Variants in CACNA1E observed in about 807,000 individuals in gnomAD.
CACNA1E encodes calcium voltage-gated channel subunit alpha1 E, also known as voltage-dependent R-type calcium channel subunit alpha-1E.
A neutral mutation model predicts 259.2 loss-of-function variants in CACNA1E; 40 were observed. The observed-to-expected ratio is 0.15, with a 90% CI of 0.12 to 0.20. The LOEUF (loss-of-function observed/expected upper bound fraction) is 0.20. Among genes scored for constraint, CACNA1E ranks in the 10% least tolerant of loss-of-function variants. The pLI is 1.00. For missense variants in CACNA1E, 1,874 were observed against 3,040.1 expected, an observed-to-expected ratio of 0.62 and a Z score of 9.02; for synonymous variants, 1,104 against 1,138.5, an observed-to-expected ratio of 0.97 and a Z score of 0.61.
chr1:181,789,754 T>C (rs1661135195), intron 43 of CACNA1E, among the ~76,000 whole-genome samples: 1 of 152,238 alleles, frequency 6.6e-6, no homozygotes, highest in African/African-American at 2.4e-5. Context: ...ATAACAAGCC[T>C]ACTGTGCCAG....
chr1:181,660,853 C>T (rs896216815), intron 7 of CACNA1E, among the ~76,000 whole-genome samples: 1 of 152,138 alleles, frequency 6.6e-6, no homozygotes, highest in Admixed American at 6.5e-5. Flanking sequence ...CTGGAATCAA[C>T]CAGTAGAAAG....
At chr1:181,704,868 C>T (rs972267182) in intron 7 of CACNA1E, among the ~76,000 whole-genome samples, 1 of 152,096 alleles carries the variant, frequency 6.6e-6, no homozygotes, top group Admixed American at 6.5e-5. Context: ...GGCTTTCTTA[C>T]CCCAGCCGAC....
intron 16 of CACNA1E, among the ~76,000 whole-genome samples, 189 bp downstream of exon 16, chr1:181,722,064 C>T (rs1168132182): frequency 1.3e-5 from 2 of 152,190 alleles, no homozygotes; most frequent in South Asian, 2.1e-4. Flanking sequence ...AGAATACAAA[C>T]GTAAACAAGA....
chr1:181,713,782 C>T (rs1405604642), intron 8 of CACNA1E, among the ~76,000 whole-genome samples: 1 of 152,116 alleles, frequency 6.6e-6, no homozygotes, highest in Non-Finnish European at 1.5e-5. Flanking sequence ...ATGCAGGATC[C>T]CACCAGACTT....
intron 2 of CACNA1E, among the ~76,000 whole-genome samples, chr1:181,457,683 G>A (rs1343915203): frequency 1.3e-5 from 2 of 152,218 alleles, no homozygotes; most frequent in African/African-American, 4.8e-5. Flanking sequence ...TTCCCTCTGA[G>A]CCCACTGCCT....
intron 22 of CACNA1E, among the ~76,000 whole-genome samples, chr1:181,736,819 C>T (rs1301055502): frequency 6.6e-6 from 1 of 152,238 alleles, no homozygotes; most frequent in East Asian, 1.9e-4. Context: ...ACCAGATCAC[C>T]TGTTGGAGTT....
At chr1:181,351,348 T>C (rs185143868) in intron 1 of CACNA1E, among the ~76,000 whole-genome samples, 1 of 152,196 alleles carries the variant, frequency 6.6e-6, no homozygotes, top group African/African-American at 2.4e-5. Flanking sequence ...TCACGGAATA[T>C]GGTGGGGAGA....
intron 7 of CACNA1E, among the ~76,000 whole-genome samples, chr1:181,701,623 A>G (rs905506399): frequency 6.6e-6 from 1 of 152,134 alleles, no homozygotes; most frequent in Non-Finnish European, 1.5e-5. Flanking sequence ...TCTGCTGTGT[A>G]ACTCTTTGTC....
rs140615619 is a variant in CACNA1E, at chr1:181,371,841, G to A, written c.-14-41292G>A. ...ATCCCAGCACCACTTATTGAATAGG[G>A]AGTCCTTCCCCATTGCTTGTTATTG... is the stretch of plus-strand genomic sequence containing the variant. On this transcript the variant is annotated intron_variant, in intron 1 of 11. Transcript: ENST00000524607. 2.7e-3 allele frequency among the ~76,000 whole-genome samples: 404 copies of A among 152,286 alleles called. 3 individuals carry two copies. Among genetic ancestry groups the A allele is most frequent in the African/African-American group, 9.2e-3 (384 of 41,558 alleles).
At chr1:181,322,382 A>G (rs1354789709) in intron 1 of CACNA1E, among the ~76,000 whole-genome samples, 4 of 152,168 alleles carry the variant, frequency 2.6e-5, no homozygotes, top group African/African-American at 9.7e-5. Context: ...AGAGCCTGGA[A>G]CTAGGCCATT....
intron 6 of CACNA1E, among the ~76,000 whole-genome samples, chr1:181,634,252 G>T (rs540376711): frequency 1.3e-5 from 2 of 152,312 alleles, no homozygotes; most frequent in East Asian, 1.9e-4. Flanking sequence ...AGGATTAAAA[G>T]AAATCAGGTA....
chr1:181,763,981 A>G (rs1038193830), intron 34 of CACNA1E, among the ~76,000 whole-genome samples: 5 of 152,190 alleles, frequency 3.3e-5, no homozygotes, highest in Admixed American at 6.5e-5. Flanking sequence ...TGTGTTTCAT[A>G]GAGAGATGAT....
intron 2 of CACNA1E, among the ~76,000 whole-genome samples, chr1:181,428,862 C>T (rs569468893): frequency 1.3e-5 from 2 of 152,302 alleles, no homozygotes; most frequent in East Asian, 3.9e-4. Flanking sequence ...CATGGCCAGG[C>T]TCACATAGGG....
At chr1:181,566,688 AAG>A (rs1249698542) in intron 3 of CACNA1E, among the ~76,000 whole-genome samples, 2 of 152,224 alleles carry the variant, frequency 1.3e-5, no homozygotes, top group African/African-American at 2.4e-5. Flanking sequence ...TTCAGGAAGA[AAG>A]AGAGAGGAGC....
chr1:181,680,709 C>T (rs1649873135), intron 7 of CACNA1E, among the ~76,000 whole-genome samples: 1 of 152,240 alleles, frequency 6.6e-6, no homozygotes, highest in African/African-American at 2.4e-5. Flanking sequence ...CCTCTGTGTT[C>T]CCAGTCAGTG....
At chr1:181,753,697 T>C (rs758378374) in intron 27 of CACNA1E, among the ~76,000 whole-genome samples, 3 of 152,208 alleles carry the variant, frequency 2.0e-5, no homozygotes, top group Non-Finnish European at 2.9e-5. Context: ...CCACTTCCTA[T>C]TGAATTCTCA....
intron 1 of CACNA1E, among the ~76,000 whole-genome samples, chr1:181,334,789 A>T (rs1651563957): frequency 6.6e-6 from 1 of 152,100 alleles, no homozygotes; most frequent in Admixed American, 6.6e-5. Flanking sequence ...AGCTCAAAGG[A>T]TCCTTTAGAA....
chr1:181,699,262 C>T (rs759803661), intron 7 of CACNA1E, among the ~76,000 whole-genome samples: 28 of 152,166 alleles, frequency 1.8e-4, no homozygotes, highest in Non-Finnish European at 3.5e-4. Flanking sequence ...GTGAACATGG[C>T]AGAAGAGATC....
intron 3 of CACNA1E, among the ~76,000 whole-genome samples, chr1:181,545,567 C>A (rs1375632830): frequency 2.0e-5 from 3 of 152,126 alleles, no homozygotes; most frequent in Non-Finnish European, 4.4e-5. Context: ...CTACTCCTGG[C>A]TCCACACAGG....
Sources: gnomAD v4.1 joint callset for allele counts (sites outside exome capture counted in the v4.1 genomes callset) on GRCh38, gnomAD v4.1.1 for gene constraint, MANE v1.5 for transcripts, NCBI Gene and HGNC (gene_info 2026-07-23, HGNC 2026-07-21) for gene names.